Variants in PPM1K observed in about 807,000 individuals in gnomAD.
PPM1K encodes protein phosphatase Mn(2+)-dependent 1K.
In PPM1K, 19 loss-of-function variants were observed where a neutral mutation model predicts 32.6. The observed-to-expected ratio is 0.58, with a 90% CI of 0.41 to 0.86. PPM1K has a LOEUF of 0.86. PPM1K is among the 40% of genes least tolerant of loss of function. The pLI, the probability that PPM1K is intolerant of heterozygous loss-of-function variation, is 0.00. For synonymous variants in PPM1K, 159 were observed against 165.3 expected (o/e 0.96, Z 0.29); for missense variants, 362 against 461.2 (o/e 0.78, Z 1.97).
At chr4:88,280,073 A>C (rs1731949619) in intron 1 of PPM1K, among the ~76,000 whole-genome samples, 1 of 152,228 alleles carries the variant, frequency 6.6e-6, no homozygotes, top group Non-Finnish European at 1.5e-5. Context: ...CAAAAGAAAG[A>C]ATGAGGTTCC....
In PPM1K at chr4:88,259,265, CAAAAAA is replaced by C; in HGVS notation, c.*3324_*3329del. On this transcript the variant is annotated 3_prime_UTR_variant, in exon 7 of 7. Coordinates refer to ENST00000608933, the MANE Select transcript of PPM1K (RefSeq NM_152542.5). ...TGTGTGACAGAGTGAGACTCCATCT[CAAAAAA>C]AAAAAAAAAGAAATACAAAATCTGT... The C allele has an allele frequency of 9.1e-6, 1 of 109,308 alleles. No individual in the cohort carries two copies. Among genetic ancestry groups the C allele is most frequent in the Non-Finnish European group, 1.8e-5 (1 of 55,232 alleles). 6.8% of individuals were successfully genotyped at this position (109,308 alleles called of 1,614,324 possible). A position where few individuals can be genotyped will look rare whatever the true frequency, so the allele number is the denominator to read the frequency against.
At chr4:88,281,812 A>G (rs922843049) in intron 1 of PPM1K, among the ~76,000 whole-genome samples, 20 of 152,234 alleles carry the variant, frequency 1.3e-4, no homozygotes, top group African/African-American at 4.8e-4. Flanking sequence ...CTTTGAATTA[A>G]ACCTGCACAT....
chr4:88,261,642 A>G lies in PPM1K; in HGVS notation c.*953T>C, dbSNP rs1731117036. 6.6e-6 allele frequency: 1 copy of G among 151,914 alleles called. No homozygotes were observed. The highest frequency in any genetic ancestry group is 1.5e-5 in the Non-Finnish European group (1 of 67,994). The allele number at this position is 151,914 out of a possible 1,614,324, so 9.4% of individuals were successfully genotyped here. On this transcript the variant is annotated 3_prime_UTR_variant, in exon 7 of 7. Transcript: ENST00000608933. ...AGACAGCTGAAATACACATTTATAA[A>G]TATGTATACAATTTAGTAATGTCAC...
intron 3 of PPM1K, among the ~76,000 whole-genome samples, chr4:88,271,927 ATGT>A (rs1433988596): frequency 3.3e-5 from 5 of 152,198 alleles, no homozygotes; most frequent in African/African-American, 1.2e-4. Flanking sequence ...AGCGAGACGC[ATGT>A]TTATAATTTT....
At chr4:88,277,599 C>T (rs946524874) in intron 2 of PPM1K, 2 of 210,692 alleles carry the variant, frequency 9.5e-6, no homozygotes, top group East Asian at 1.2e-4. Context: ...GTCACATGGT[C>T]GTAACTCCAT....
chr4:88,281,262 C>T (rs1468608944), intron 1 of PPM1K, among the ~76,000 whole-genome samples: 2 of 152,188 alleles, frequency 1.3e-5, no homozygotes, highest in African/African-American at 4.8e-5. Context: ...TGCAGTCATG[C>T]ACCTACTTTA....
At position 88,257,867 on chromosome 4, in the gene PPM1K, T is replaced by C. The variant is rs913227270; in HGVS notation, c.*4728A>G. On this transcript the variant is annotated 3_prime_UTR_variant, in exon 7 of 7. Transcript: ENST00000608933. Reference sequence around the variant, plus strand: ...CACATCAGGCTGCTAAATTCTGTACTAGAATCCAACAGCAAATGAGTCATT... The same window carrying C: ...CACATCAGGCTGCTAAATTCTGTACCAGAATCCAACAGCAAATGAGTCATT... The C allele has an allele frequency of 1.3e-5, 2 of 152,214 alleles. No individual in the cohort carries two copies. The highest frequency in any genetic ancestry group is 4.8e-5 in the African/African-American group (2 of 41,444). 9.4% of individuals were successfully genotyped at this position (152,214 alleles called of 1,614,324 possible).
intron 3 of PPM1K, among the ~76,000 whole-genome samples, chr4:88,274,361 C>G (rs988767322): frequency 3.9e-5 from 6 of 152,128 alleles, no homozygotes; most frequent in Admixed American, 1.3e-4. Context: ...GAAAAAATTA[C>G]AGTAACTTCA....
intron 3 of PPM1K, among the ~76,000 whole-genome samples, chr4:88,272,220 G>A (rs535567919): frequency 2.8e-4 from 43 of 152,278 alleles, no homozygotes; most frequent in Non-Finnish European, 4.9e-4. Context: ...AGCACGGTAA[G>A]AACATCTCAT....
chr4:88,280,487 G>A (rs1057331879), intron 1 of PPM1K, among the ~76,000 whole-genome samples: 19 of 152,166 alleles, frequency 1.2e-4, no homozygotes, highest in African/African-American at 4.1e-4. Context: ...TAACATGGCC[G>A]GACCCGGTGG....
At chr4:88,283,012 A>G (rs1732076499) in intron 1 of PPM1K, among the ~76,000 whole-genome samples, 1 of 152,226 alleles carries the variant, frequency 6.6e-6, no homozygotes, top group Non-Finnish European at 1.5e-5. Context: ...AGAACTCACT[A>G]CTCAAATATT....
In PPM1K at chr4:88,265,085, G is replaced by A. The variant is rs769837013; in HGVS notation, c.903C>T (p.Asn301=). 2 of 1,614,158 alleles carry A rather than the reference G, an allele frequency of 1.2e-6. No individual in the cohort carries two copies. Among genetic ancestry groups the A allele is most frequent in the Admixed American group, 1.7e-5 (1 of 60,026 alleles). The change falls in exon 6 of 7, where the codon AAC becomes AAT. Residue 301 remains asparagine, a synonymous_variant. Coordinates refer to ENST00000608933, the MANE Select transcript of PPM1K (RefSeq NM_152542.5). ...AAATCTCTTGACTATTCACCATGAAGTTAATTCCATCTGTGGTGAGGACCA... is the reference window on the plus strand; with the variant it reads ...AAATCTCTTGACTATTCACCATGAAATTAATTCCATCTGTGGTGAGGACCA... The part of the protein sequence containing the change: ...SFLVLTTDGI[N]FMVNSQEICD...
At chr4:88,273,964 C>T (rs1215813758) in intron 3 of PPM1K, among the ~76,000 whole-genome samples, 2 of 152,216 alleles carry the variant, frequency 1.3e-5, no homozygotes, top group South Asian at 4.1e-4. Flanking sequence ...ACTGCCTCCT[C>T]AAGTTCATCC....
chr4:88,278,161 G>A lies in PPM1K; in HGVS notation c.423C>T (p.His141=). Residue 141 remains histidine, a synonymous_variant, in exon 2 of 7, where the codon CAC becomes CAT. Coordinates refer to ENST00000608933, the MANE Select transcript of PPM1K (RefSeq NM_152542.5). This position sits in a 1 kb window ranked among gnomAD's most constrained non-coding sequence, Gnocchi z 4.2. ...GTACATACATAATACATTTCTCCATGTGGGTATGACAGAAATCAGCTGCTG... is the reference window on the plus strand; with the variant it reads ...GTACATACATAATACATTTCTCCATATGGGTATGACAGAAATCAGCTGCTG... The part of the protein sequence containing the change: ...GPAAADFCHT[H]MEKCIMDLLP... 1.9e-6 allele frequency: 3 copies of A among 1,613,420 alleles called. No homozygotes were observed. In the South Asian group the frequency reaches 3.3e-5, roughly 18 times the overall value.
intron 1 of PPM1K, among the ~76,000 whole-genome samples, chr4:88,281,531 G>A (rs1167334636): frequency 6.6e-6 from 1 of 152,090 alleles, no homozygotes; most frequent in Non-Finnish European, 1.5e-5. Context: ...ATCCTTCCTC[G>A]TGTATTGTTT....
chr4:88,279,106 G>A (rs572614743), intron 1 of PPM1K: 2 of 153,626 alleles, frequency 1.3e-5, no homozygotes, highest in South Asian at 4.1e-4. Context: ...CAGAATACAG[G>A]TATAAATAAA....
In PPM1K at chr4:88,263,497, G is replaced by C. The variant is rs1731201398; in HGVS notation, c.988-771C>G. ...TCTGTCACCCAGGCTGGAGTGCAGT[G>C]GCACGATCTCGGCTCACTGCAGCCT... On this transcript the variant is annotated intron_variant, in intron 6 of 6. Transcript: ENST00000608933. Among the ~76,000 whole-genome samples the C allele has an allele frequency of 2.0e-5, 3 of 152,282 alleles. No homozygotes were observed. The East Asian group carries it at 5.8e-4, about 29-fold the overall frequency.
intron 3 of PPM1K, chr4:88,270,853 T>G (rs1731531379): frequency 4.3e-6 from 1 of 231,894 alleles, no homozygotes; most frequent in Admixed American, 5.5e-5. Context: ...AACTGTCAAT[T>G]CTGATTTGCT....
At chr4:88,275,450 C>T in intron 3 of PPM1K, 1 of 985,152 alleles carries the variant, frequency 1.0e-6, no homozygotes, top group Non-Finnish European at 1.2e-6. Flanking sequence ...ATACTTCATT[C>T]AATAATAAAA....
Sources: allele counts gnomAD v4.1 joint callset (sites outside exome capture counted in the v4.1 genomes callset), GRCh38; gene constraint gnomAD v4.1.1; non-coding constraint Gnocchi (gnomAD v3.1); transcripts MANE v1.5; gene names NCBI Gene and HGNC (gene_info 2026-07-23, HGNC 2026-07-21).